Variants in RAI14 observed in about 807,000 individuals in gnomAD.
The protein encoded by RAI14 is ankycorbin.
Under a neutral mutation model 115.4 loss-of-function variants are expected in RAI14, and 45 were observed. The observed-to-expected ratio is 0.39, with a 90% CI of 0.31 to 0.50. The LOEUF (loss-of-function observed/expected upper bound fraction) is 0.50. Among genes scored for constraint, RAI14 ranks in the 20% least tolerant of loss-of-function variants. The pLI is 0.85. For synonymous variants in RAI14, 371 were observed against 415.4 expected, an observed-to-expected ratio of 0.89 and a Z score of 1.30; for missense variants, 939 against 1,131.2, an observed-to-expected ratio of 0.83 and a Z score of 2.44.
chr5:34,721,314 T>G lies in RAI14; in HGVS notation c.36+34359T>G, dbSNP rs1000683186. 7.6e-3 allele frequency among the ~76,000 whole-genome samples: 969 copies of G among 127,488 alleles called. 11 individuals are homozygous for G. Among genetic ancestry groups the G allele is most frequent in the African/African-American group, 0.023 (872 of 37,940 alleles). 83.6% of individuals were successfully genotyped at this position (127,488 alleles called of 152,430 possible). A position where few individuals can be genotyped will look rare whatever the true frequency, so the allele number is the denominator to read the frequency against. ...GTGTATATATATATATATATATATA[T>G]ATATATATATAGATGTGTATGTATG... is the stretch of plus-strand genomic sequence containing the variant. On this transcript the variant is annotated intron_variant, in intron 2 of 17. Coordinates refer to ENST00000265109, the MANE Select transcript of RAI14 (RefSeq NM_015577.3).
intron 2 of RAI14, among the ~76,000 whole-genome samples, chr5:34,740,102 T>C (rs1401064867): frequency 6.6e-6 from 1 of 152,180 alleles, no homozygotes; most frequent in African/African-American, 2.4e-5. Context: ...TCTCAACTTA[T>C]GTGACACTAC....
chr5:34,700,722 A>T (rs1452479602), intron 2 of RAI14, among the ~76,000 whole-genome samples: 1 of 152,206 alleles, frequency 6.6e-6, no homozygotes, highest in Non-Finnish European at 1.5e-5. Context: ...GAAATTAACA[A>T]GTATCATTGG....
intron 2 of RAI14, among the ~76,000 whole-genome samples, chr5:34,752,690 A>G (rs1484658682): frequency 7.0e-6 from 1 of 141,846 alleles, no homozygotes; most frequent in African/African-American, 2.7e-5. Flanking sequence ...AAATATCTAT[A>G]TTTCTTACAT....
chr5:34,737,434 C>T (rs1294752453), intron 2 of RAI14, among the ~76,000 whole-genome samples: 3 of 152,112 alleles, frequency 2.0e-5, no homozygotes, highest in African/African-American at 7.2e-5. Context: ...ACCTGTTACT[C>T]ATTCCAAATA....
intron 2 of RAI14, among the ~76,000 whole-genome samples, chr5:34,701,236 G>A (rs933185244): frequency 6.6e-6 from 1 of 152,074 alleles, no homozygotes; most frequent in East Asian, 1.9e-4. Context: ...ATAACATTAC[G>A]AGACAAGGAA....
chr5:34,717,447 C>T (rs1296959316), intron 2 of RAI14, among the ~76,000 whole-genome samples: 4 of 152,172 alleles, frequency 2.6e-5, no homozygotes, highest in Non-Finnish European at 5.9e-5. Context: ...TGACCCTAAC[C>T]GACTTCATTA....
chr5:34,802,103 TGATA>T (rs1754342308), intron 4 of RAI14, among the ~76,000 whole-genome samples: 2 of 152,184 alleles, frequency 1.3e-5, no homozygotes, highest in Admixed American at 1.3e-4. Flanking sequence ...GAACTGGGCT[TGATA>T]TTGCCCCCCA....
At chr5:34,740,817 T>C (rs1638547789) in intron 2 of RAI14, among the ~76,000 whole-genome samples, 2 of 152,232 alleles carry the variant, frequency 1.3e-5, no homozygotes, top group African/African-American at 4.8e-5. Context: ...TGGGTGGATA[T>C]TAGCGTTTAT....
chr5:34,743,091 G>A (rs1745729139), intron 2 of RAI14, among the ~76,000 whole-genome samples: 1 of 152,196 alleles, frequency 6.6e-6, no homozygotes, highest in Non-Finnish European at 1.5e-5. Flanking sequence ...GGAGTCCTCT[G>A]GGGATGTTTG....
chr5:34,748,599 G>T (rs768230327), intron 2 of RAI14, among the ~76,000 whole-genome samples: 1 of 152,138 alleles, frequency 6.6e-6, no homozygotes, highest in Non-Finnish European at 1.5e-5. Context: ...TCACCATTTT[G>T]CTCACTTTGC....
intron 1 of RAI14, among the ~76,000 whole-genome samples, chr5:34,660,891 T>C (rs1163245814): frequency 1.3e-5 from 2 of 152,150 alleles, no homozygotes; most frequent in African/African-American, 2.4e-5. Flanking sequence ...CCTTTGCATG[T>C]GCTCTTCCCA....
intron 2 of RAI14, among the ~76,000 whole-genome samples, chr5:34,734,825 T>A (rs1209902833): frequency 1.3e-5 from 2 of 152,078 alleles, no homozygotes; most frequent in African/African-American, 4.8e-5. Flanking sequence ...CACGCCAAGC[T>A]AATTTTTGTA....
At chr5:34,740,561 G>C (rs1055478034) in intron 2 of RAI14, among the ~76,000 whole-genome samples, 2 of 152,294 alleles carry the variant, frequency 1.3e-5, no homozygotes, top group South Asian at 2.1e-4. Context: ...TGGCTCCTCT[G>C]TTGCTTTTGT....
In RAI14 at chr5:34,791,380, T is replaced by A. The variant is rs1273926041; in HGVS notation, c.168-4559T>A. Among the ~76,000 whole-genome samples, 2 of 152,196 alleles carry A rather than the reference T, an allele frequency of 1.3e-5. No individual in the cohort carries two copies. Among genetic ancestry groups the A allele is most frequent in the Non-Finnish European group, 2.9e-5 (2 of 68,030 alleles). On this transcript the variant is annotated intron_variant, in intron 3 of 17. Transcript: ENST00000265109. This position sits in a 1 kb window ranked among gnomAD's most constrained non-coding sequence, Gnocchi z 5.4. ...GCCTAAGACCATATTAGAAAACTTT[T>A]TTGAAGTCACTTATTATATGCCATA...
intron 2 of RAI14, among the ~76,000 whole-genome samples, chr5:34,723,683 C>T (rs549604047): frequency 6.6e-6 from 1 of 152,174 alleles, no homozygotes; most frequent in East Asian, 1.9e-4. Flanking sequence ...GAAATTTCAC[C>T]TGATTTAAGG....
intron 2 of RAI14, among the ~76,000 whole-genome samples, chr5:34,751,616 T>C (rs1747031807): frequency 6.6e-6 from 1 of 152,234 alleles, no homozygotes; most frequent in South Asian, 2.1e-4. Flanking sequence ...TGTAGTTTGT[T>C]CATTTTCATT....
At chr5:34,717,214 T>G (rs376980468) in intron 2 of RAI14, among the ~76,000 whole-genome samples, 1 of 152,270 alleles carries the variant, frequency 6.6e-6, no homozygotes, top group South Asian at 2.1e-4. Context: ...TTTTAAAGAG[T>G]TACCGCAAAA....
intron 3 of RAI14, among the ~76,000 whole-genome samples, chr5:34,769,380 C>T (rs1311315170): frequency 6.6e-6 from 1 of 152,160 alleles, no homozygotes; most frequent in Non-Finnish European, 1.5e-5. Context: ...TTTTTCAAGG[C>T]TTTTATAACT....
At chr5:34,725,891 G>A (rs1348847746) in intron 2 of RAI14, among the ~76,000 whole-genome samples, 1 of 149,882 alleles carries the variant, frequency 6.7e-6, no homozygotes, top group African/African-American at 2.5e-5. Flanking sequence ...GAATCTGGAA[G>A]GCAGAGGCTG....
Sources: gnomAD v4.1 joint callset for allele counts (sites outside exome capture counted in the v4.1 genomes callset) on GRCh38, gnomAD v4.1.1 for gene constraint, Gnocchi (gnomAD v3.1) non-coding constraint, MANE v1.5 for transcripts, NCBI Gene and HGNC (gene_info 2026-07-23, HGNC 2026-07-21) for gene names.